The following GRIK2 variants were observed in gnomAD, a reference collection of about 807,000 sequenced individuals.
GRIK2 encodes glutamate ionotropic receptor kainate type subunit 2, also known as glutamate receptor ionotropic, kainate 2.
In GRIK2, 32 loss-of-function variants were observed where a neutral mutation model predicts 100.3. That is an observed-to-expected ratio of 0.32 (90% CI 0.24 to 0.43). The LOEUF is 0.43. Ranked by LOEUF, GRIK2 falls within the 20% of genes least tolerant of loss-of-function variation. The probability of loss-of-function intolerance (pLI) is 1.00; values close to 1 mark genes in which losing one functional copy is unlikely to be tolerated. For synonymous variants in GRIK2, 417 were observed against 389.4 expected, an observed-to-expected ratio of 1.07 and a Z score of -0.83; for missense variants, 843 against 1,114.9, an observed-to-expected ratio of 0.76 and a Z score of 3.47.
intron 2 of GRIK2, among the ~76,000 whole-genome samples, chr6:101,575,425 A>T (rs1674698969): frequency 6.6e-6 from 1 of 152,178 alleles, no homozygotes; most frequent in Non-Finnish European, 1.5e-5. Context: ...TGTAGGAAAT[A>T]GCATAAAGTC....
intron 11 of GRIK2, among the ~76,000 whole-genome samples, chr6:101,882,332 G>C (rs1378093825): frequency 6.6e-6 from 1 of 152,058 alleles, no homozygotes; most frequent in Non-Finnish European, 1.5e-5. Context: ...AACAAAATCA[G>C]ATTTGGGTGG....
chr6:101,787,121 A>G (rs1779478381), intron 7 of GRIK2, among the ~76,000 whole-genome samples: 1 of 150,972 alleles, frequency 6.6e-6, no homozygotes. Context: ...TTTTCATAAC[A>G]GTCTTTTAGG....
At chr6:101,960,492 G>A (rs902090034) in intron 14 of GRIK2, among the ~76,000 whole-genome samples, 3 of 151,930 alleles carry the variant, frequency 2.0e-5, no homozygotes, top group African/African-American at 7.3e-5. Context: ...TCTTTTAGAT[G>A]GTACTTTTTT....
At chr6:101,604,146 G>A (rs2128311022) in intron 2 of GRIK2, among the ~76,000 whole-genome samples, 1 of 151,592 alleles carries the variant, frequency 6.6e-6, no homozygotes, top group Admixed American at 6.6e-5. Context: ...GAGTAGAAAA[G>A]GTTAGTTACA....
At chr6:102,062,054 G>A (rs1336937723) in intron 16 of GRIK2, among the ~76,000 whole-genome samples, 1 of 149,866 alleles carries the variant, frequency 6.7e-6, no homozygotes, top group African/African-American at 2.4e-5. Flanking sequence ...TTAAGTAGGG[G>A]AAATTTAAAA....
chr6:101,779,290 G>C (rs1778933937), intron 7 of GRIK2, among the ~76,000 whole-genome samples: 1 of 152,052 alleles, frequency 6.6e-6, no homozygotes, highest in Non-Finnish European at 1.5e-5. Flanking sequence ...TCACTCTTCT[G>C]CCTGTTTGTC....
intron 14 of GRIK2, among the ~76,000 whole-genome samples, chr6:101,931,755 G>A (rs114210029): frequency 0.011 from 1,729 of 152,210 alleles, 36 homozygotes; most frequent in African/African-American, 0.04. Context: ...ATAGGAGATA[G>A]TGGTTCTCAC....
intron 9 of GRIK2, among the ~76,000 whole-genome samples, chr6:101,804,676 A>G (rs1780876149): frequency 2.6e-5 from 4 of 151,986 alleles, no homozygotes. Flanking sequence ...ACTAGTAGAA[A>G]TAAACTGGCA....
chr6:101,872,459 CA>C (rs1425722401), intron 11 of GRIK2, among the ~76,000 whole-genome samples: 1 of 151,742 alleles, frequency 6.6e-6, no homozygotes, highest in Non-Finnish European at 1.5e-5. Flanking sequence ...CATGAGAACT[CA>C]CTCACTATCA....
intron 10 of GRIK2, among the ~76,000 whole-genome samples, chr6:101,827,171 T>C (rs1782387481): frequency 6.6e-6 from 1 of 152,000 alleles, no homozygotes; most frequent in Admixed American, 6.6e-5. Flanking sequence ...TGAAATAAGG[T>C]AAATACAGTT....
rs1341533016 is a variant in GRIK2, at chr6:101,399,117, T to C, written c.-161T>C. 1.8e-6 allele frequency: 1 copy of C among 568,154 alleles called. No individual in the cohort carries two copies. Among genetic ancestry groups the C allele is most frequent in the East Asian group, 2.9e-5 (1 of 34,166 alleles). 35.2% of individuals were successfully genotyped at this position (568,154 alleles called of 1,614,324 possible). On this transcript the variant is annotated 5_prime_UTR_variant, in exon 2 of 17. Transcript: ENST00000369134. ...GCAGTGAGTGAAGAACATGCAGCGA[T>C]TGCTAATGGGTTTGGGAAGCGGAGA...
At chr6:101,707,474 T>C (rs1773385304) in intron 7 of GRIK2, among the ~76,000 whole-genome samples, 1 of 146,292 alleles carries the variant, frequency 6.8e-6, no homozygotes, top group African/African-American at 2.5e-5. Context: ...TTATATATAA[T>C]ATATAAATAT....
intron 2 of GRIK2, among the ~76,000 whole-genome samples, chr6:101,543,995 A>G (rs551363030): frequency 5.6e-4 from 85 of 152,208 alleles, no homozygotes; most frequent in Non-Finnish European, 1.1e-3. Context: ...TCTCAGTGGG[A>G]CGCTGGTTGA....
At chr6:101,581,044 G>A (rs1400843741) in intron 2 of GRIK2, among the ~76,000 whole-genome samples, 1 of 151,840 alleles carries the variant, frequency 6.6e-6, no homozygotes, top group African/African-American at 2.4e-5. Context: ...AGTTTCAAGA[G>A]AGTAGGGATT....
intron 7 of GRIK2, among the ~76,000 whole-genome samples, chr6:101,753,436 A>G (rs1407288938): frequency 1.3e-5 from 2 of 152,128 alleles, no homozygotes; most frequent in Non-Finnish European, 2.9e-5. Flanking sequence ...AAGATCTAGA[A>G]TTTAAACTCA....
intron 7 of GRIK2, among the ~76,000 whole-genome samples, chr6:101,774,836 C>T (rs894258266): frequency 6.7e-6 from 1 of 150,214 alleles, no homozygotes; most frequent in Non-Finnish European, 1.5e-5. Flanking sequence ...TTTCTGCTTG[C>T]GGAATGGTAC....
chr6:101,477,372 T>C (rs1015395336), intron 2 of GRIK2, among the ~76,000 whole-genome samples: 15 of 152,178 alleles, frequency 9.9e-5, no homozygotes, highest in Admixed American at 6.6e-4. Flanking sequence ...TGTTTTATTT[T>C]TCAGAATTTG....
intron 14 of GRIK2, among the ~76,000 whole-genome samples, chr6:101,957,974 T>C (rs2128481349): frequency 6.6e-6 from 1 of 152,174 alleles, no homozygotes; most frequent in Middle Eastern, 3.4e-3. Flanking sequence ...CATCAAGCTT[T>C]GATTTTTGCT....
chr6:101,914,488 C>A (rs1298949886), intron 12 of GRIK2, among the ~76,000 whole-genome samples: 1 of 151,372 alleles, frequency 6.6e-6, no homozygotes, highest in Non-Finnish European at 1.5e-5. Context: ...AAGAAAAGAG[C>A]AAATAGGCTA....
Sources: gnomAD v4.1 joint callset for allele counts (sites outside exome capture counted in the v4.1 genomes callset) on GRCh38, gnomAD v4.1.1 for gene constraint, MANE v1.5 for transcripts, NCBI Gene and HGNC (gene_info 2026-07-23, HGNC 2026-07-21) for gene names.